SCLT1: variants seen among roughly 807,000 people sequenced by gnomAD.
SCLT1 encodes the protein sodium channel and clathrin linker 1, also known as sodium channel-associated protein 1.
SCLT1 carries 78 observed loss-of-function variants against 112.8 expected under a neutral mutation model. The ratio of observed to expected loss-of-function variants is 0.69; its 90% CI spans 0.58 to 0.83. SCLT1 has a LOEUF of 0.83. SCLT1 is among the 40% of genes least tolerant of loss of function. The pLI is 0.00. For synonymous variants in SCLT1, 257 were observed against 254.7 expected (o/e 1.01, Z -0.09); for missense variants, 747 against 770.4 (o/e 0.97, Z 0.36).
At chr4:128,908,574 T>C (rs318535) in intron 18 of SCLT1, among the ~76,000 whole-genome samples, 110,338 of 151,830 alleles carry the variant, frequency 0.73, 40,415 homozygotes, top group African/African-American at 0.82. Context: ...ATTCATTTAT[T>C]CAATACAATC....
At chr4:128,937,725 C>A (rs547970596) in intron 17 of SCLT1, among the ~76,000 whole-genome samples, 1 of 152,086 alleles carries the variant, frequency 6.6e-6, no homozygotes, top group African/African-American at 2.4e-5. Flanking sequence ...AAATCTCTTA[C>A]GAAAATGTCT....
intron 2 of SCLT1, among the ~76,000 whole-genome samples, chr4:129,053,789 T>C (rs1310125873): frequency 6.6e-6 from 1 of 152,058 alleles, no homozygotes; most frequent in Non-Finnish European, 1.5e-5. Context: ...AATTTGATCC[T>C]GTCATCATGA....
intron 20 of SCLT1, among the ~76,000 whole-genome samples, chr4:128,884,789 T>C (rs1732764768): frequency 1.3e-5 from 2 of 152,150 alleles, no homozygotes. Flanking sequence ...GCCTCTTCAG[T>C]AGCCACTACA....
chr4:128,901,738 T>C (rs892397108), intron 18 of SCLT1, among the ~76,000 whole-genome samples: 1 of 152,140 alleles, frequency 6.6e-6, no homozygotes, highest in African/African-American at 2.4e-5. Context: ...TTTCCATTCA[T>C]TTTAATCCAG....
chr4:129,066,329 C>T (rs1345081056), intron 2 of SCLT1, among the ~76,000 whole-genome samples: 1 of 151,934 alleles, frequency 6.6e-6, no homozygotes, highest in Non-Finnish European at 1.5e-5. Flanking sequence ...AGAATAATCT[C>T]ACCAATAATT....
chr4:128,946,128 C>T lies in SCLT1; in HGVS notation c.1318G>A (p.Glu440Lys). The T allele has an allele frequency of 6.2e-7, 1 of 1,605,660 alleles. No homozygotes were observed. The change falls in exon 16 of 21, where the codon GAG becomes AAG. Residue 440 changes from glutamate to lysine, a missense_variant. Glu to Lys is a moderately conservative substitution (Grantham distance 56). Coordinates refer to ENST00000281142, the MANE Select transcript of SCLT1 (RefSeq NM_144643.4). The stretch of plus-strand genomic sequence containing the variant: ...TCTTCCAGTTTTCTGTAATCACTCT[C>T]ATTTCCTCTGCCTTCACGGTAAATC... Reference protein sequence around the residue: ...EKIYREGRGNESDYRKLEEMH... With the variant: ...EKIYREGRGNKSDYRKLEEMH...
intron 5 of SCLT1, among the ~76,000 whole-genome samples, chr4:129,005,214 A>G (rs1743884585): frequency 6.6e-6 from 1 of 152,200 alleles, no homozygotes; most frequent in South Asian, 2.1e-4. Context: ...TATTTTAAAG[A>G]TGACATAATA....
At chr4:128,975,375 T>C (rs1340800078) in intron 9 of SCLT1, among the ~76,000 whole-genome samples, 1 of 152,104 alleles carries the variant, frequency 6.6e-6, no homozygotes, top group Non-Finnish European at 1.5e-5. Flanking sequence ...TTAAGCAAAA[T>C]TTAATCAAGT....
chr4:129,046,979 T>C (rs1039656832), intron 2 of SCLT1, among the ~76,000 whole-genome samples: 1 of 152,138 alleles, frequency 6.6e-6, no homozygotes, highest in Non-Finnish European at 1.5e-5. Context: ...CCTGTTTCTC[T>C]AATGGGTAAT....
At chr4:128,908,335 T>A (rs1172279280) in intron 18 of SCLT1, among the ~76,000 whole-genome samples, 1 of 151,422 alleles carries the variant, frequency 6.6e-6, no homozygotes, top group African/African-American at 2.4e-5. Flanking sequence ...TAATTATGTA[T>A]TTTGTAATTT....
rs1483385132 is a variant in SCLT1, at chr4:128,952,751, C to G, written c.1218+18G>C. 8.0e-7 allele frequency: 1 copy of G among 1,256,228 alleles called. No homozygotes were observed. The highest frequency in any genetic ancestry group is 1.5e-5 in the African/African-American group (1 of 67,770). The allele number at this position is 1,256,228 out of a possible 1,614,324, so 77.8% of individuals were successfully genotyped here. A position where few individuals can be genotyped will look rare whatever the true frequency, so the allele number is the denominator to read the frequency against. ...ATAAGTAATATTTGGAAGAAAATAT[C>G]AGTATAGTCAAACATACCATTTGAA... On this transcript the variant is annotated intron_variant, in intron 14 of 20. Coordinates refer to ENST00000281142, the MANE Select transcript of SCLT1 (RefSeq NM_144643.4).
chr4:129,091,029 A>T (rs988933705), intron 1 of SCLT1, among the ~76,000 whole-genome samples: 1 of 152,210 alleles, frequency 6.6e-6, no homozygotes, highest in Non-Finnish European at 1.5e-5. Flanking sequence ...AACGGAACAA[A>T]GAGACAATCA....
Position 128,989,069 on chromosome 4 carries a change from A to G in SCLT1, c.686+3098T>C, listed in dbSNP as rs529779904. Among the ~76,000 whole-genome samples, 243 of 152,058 alleles carry G rather than the reference A, an allele frequency of 1.6e-3. 1 individual carries two copies. Among genetic ancestry groups the G allele is most frequent in the Middle Eastern group, 6.8e-3 (2 of 292 alleles). The stretch of plus-strand genomic sequence containing the variant: ...CCCCTCTTTCAGAATTGGACAGATA[A>G]TCTACATAGAATACCAACAAAGAAA... On this transcript the variant is annotated intron_variant, in intron 9 of 20. Coordinates refer to ENST00000281142, the MANE Select transcript of SCLT1 (RefSeq NM_144643.4).
chr4:128,983,118 C>T (rs1741806174), intron 9 of SCLT1, among the ~76,000 whole-genome samples: 3 of 152,146 alleles, frequency 2.0e-5, no homozygotes, highest in African/African-American at 4.8e-5. Context: ...AAACTCCCGA[C>T]CTCAGGTGAT....
intron 9 of SCLT1, among the ~76,000 whole-genome samples, chr4:128,985,619 A>G (rs752688632): frequency 6.6e-6 from 1 of 152,222 alleles, no homozygotes; most frequent in Non-Finnish European, 1.5e-5. Flanking sequence ...CTCACTGACT[A>G]TGAGTTGTCT....
chr4:129,073,552 C>T (rs1238232549), intron 2 of SCLT1, among the ~76,000 whole-genome samples: 1 of 152,020 alleles, frequency 6.6e-6, no homozygotes, highest in Non-Finnish European at 1.5e-5. Context: ...CTGATTGTTA[C>T]TCCTATCACA....
Position 129,010,614 on chromosome 4 carries a change from T to C in SCLT1, c.291-6738A>G, listed in dbSNP as rs62318668. ...TTTGAGCAGTATTTTGTGCTTCTTG[T>C]AGAGAGATCTTTCACCTTCCTAGTT... On this transcript the variant is annotated intron_variant, in intron 5 of 20. Transcript: ENST00000281142. Among the ~76,000 whole-genome samples, 1,153 of 152,304 alleles carry C rather than the reference T, an allele frequency of 7.6e-3. 11 individuals carry two copies. The highest frequency in any genetic ancestry group is 0.011 in the Non-Finnish European group (756 of 68,014).
At chr4:128,925,042 T>A (rs1342259546) in intron 18 of SCLT1, among the ~76,000 whole-genome samples, 1 of 152,140 alleles carries the variant, frequency 6.6e-6, no homozygotes, top group East Asian at 1.9e-4. Context: ...AACTGATGTC[T>A]CCTGCCAATG....
chr4:128,899,380 C>T (rs182192886), intron 18 of SCLT1, among the ~76,000 whole-genome samples: 15 of 152,220 alleles, frequency 9.9e-5, no homozygotes, highest in Non-Finnish European at 1.8e-4. Flanking sequence ...ATATGCAAAT[C>T]GATAAACATA....
Sources: allele counts gnomAD v4.1 joint callset (sites outside exome capture counted in the v4.1 genomes callset), GRCh38; gene constraint gnomAD v4.1.1; transcripts MANE v1.5; gene names NCBI Gene and HGNC (gene_info 2026-07-23, HGNC 2026-07-21).